CPA6: variants seen among roughly 807,000 people sequenced by gnomAD.
CPA6 encodes the protein carboxypeptidase B.
CPA6 carries 58 observed loss-of-function variants against 63.3 expected under a neutral mutation model. The ratio of observed to expected loss-of-function variants is 0.92; its 90% CI spans 0.74 to 1.14. CPA6 has a LOEUF of 1.14. Ranked by LOEUF, CPA6 falls within the 50% of genes most tolerant of loss-of-function variation. The pLI is 0.00. For synonymous variants in CPA6, 185 were observed against 179.0 expected, an observed-to-expected ratio of 1.03 and a Z score of -0.27; for missense variants, 565 against 526.6, an observed-to-expected ratio of 1.07 and a Z score of -0.71.
chr8:67,575,699 A>G (rs941216896), intron 2 of CPA6, among the ~76,000 whole-genome samples: 2 of 152,172 alleles, frequency 1.3e-5, no homozygotes, highest in Non-Finnish European at 2.9e-5. Flanking sequence ...ACTACTAAAA[A>G]TACAAAAAAT....
At chr8:67,528,517 A>G (rs1276988445) in intron 2 of CPA6, among the ~76,000 whole-genome samples, 2 of 152,094 alleles carry the variant, frequency 1.3e-5, no homozygotes, top group African/African-American at 4.8e-5. Flanking sequence ...CTCAGATAAG[A>G]CTGCTGATTC....
chr8:67,599,669 C>T (rs1359586885), intron 2 of CPA6, among the ~76,000 whole-genome samples: 2 of 152,178 alleles, frequency 1.3e-5, no homozygotes, highest in African/African-American at 4.8e-5. Context: ...AGCTCTGAAA[C>T]TGTCCCATTT....
rs1364688180 is a variant in CPA6, at chr8:67,475,785, C to CTTTCTT, written c.838+7977_838+7982dup. 2.7e-4 allele frequency among the ~76,000 whole-genome samples: 21 copies of CTTTCTT among 78,692 alleles called. 1 individual carries two copies. The highest frequency in any genetic ancestry group is 1.3e-4 in the Admixed American group (1 of 7,792). 51.6% of individuals were successfully genotyped at this position (78,692 alleles called of 152,430 possible). A position where few individuals can be genotyped will look rare whatever the true frequency, so the allele number is the denominator to read the frequency against. ...TTTCTTTCTCTTTCTTTCTTTCTTTCTTTCTTTCTTTCTTTCTTTCTTTCT... is the reference window on the plus strand; with the variant it reads ...TTTCTTTCTCTTTCTTTCTTTCTTTCTTTCTTTTTCTTTCTTTCTTTCTTTCTTTCT... On this transcript the variant is annotated intron_variant, in intron 8 of 10. Coordinates refer to ENST00000297770, the MANE Select transcript of CPA6 (RefSeq NM_020361.5).
At chr8:67,669,545 T>C (rs1816299719) in intron 1 of CPA6, among the ~76,000 whole-genome samples, 1 of 152,236 alleles carries the variant, frequency 6.6e-6, no homozygotes, top group Non-Finnish European at 1.5e-5. Flanking sequence ...CAGAATTCTT[T>C]GGGAATTTAT....
At chr8:67,484,007 G>A in intron 7 of CPA6, 149 bp from the exon 8 acceptor site, 2 of 667,152 alleles carry the variant, frequency 3.0e-6, no homozygotes, top group Non-Finnish European at 5.2e-6. Flanking sequence ...AAAGAGCACT[G>A]GATTAGTAGT....
At chr8:67,605,491 G>A (rs1179461377) in intron 2 of CPA6, among the ~76,000 whole-genome samples, 1 of 143,346 alleles carries the variant, frequency 7.0e-6, no homozygotes, top group African/African-American at 2.5e-5. Flanking sequence ...TTATATAGCT[G>A]TTATATTTTA....
chr8:67,460,839 A>T (rs1810783027), intron 8 of CPA6, among the ~76,000 whole-genome samples: 1 of 152,262 alleles, frequency 6.6e-6, no homozygotes, highest in Admixed American at 6.5e-5. Context: ...CTTTCCCTCA[A>T]TCTGTTTCAC....
intron 2 of CPA6, among the ~76,000 whole-genome samples, chr8:67,619,613 A>G (rs1377856872): frequency 6.6e-6 from 1 of 152,140 alleles, no homozygotes; most frequent in African/African-American, 2.4e-5. Context: ...CTATAGATGG[A>G]ATCTCTGGCA....
chr8:67,449,350 C>T (rs183314033), intron 8 of CPA6, among the ~76,000 whole-genome samples: 144 of 152,342 alleles, frequency 9.5e-4, no homozygotes, highest in Non-Finnish European at 1.8e-3. Context: ...GTTACCCTAA[C>T]AATCTACAGC....
At chr8:67,737,392 T>A (rs1391611093) in intron 1 of CPA6, among the ~76,000 whole-genome samples, 1 of 152,232 alleles carries the variant, frequency 6.6e-6, no homozygotes, top group African/African-American at 2.4e-5. Context: ...ATACCAGCCA[T>A]TTAAAAGAAA....
intron 1 of CPA6, among the ~76,000 whole-genome samples, chr8:67,643,037 T>C (rs1018401621): frequency 6.6e-6 from 1 of 152,040 alleles, no homozygotes; most frequent in Non-Finnish European, 1.5e-5. Context: ...AGGAGATATT[T>C]AAAACATATA....
At chr8:67,673,652 A>G (rs1294407729) in intron 1 of CPA6, among the ~76,000 whole-genome samples, 1 of 151,594 alleles carries the variant, frequency 6.6e-6, no homozygotes, top group Non-Finnish European at 1.5e-5. Flanking sequence ...TCGGCCTCCC[A>G]AAGTGCTGGG....
chr8:67,509,419 A>G (rs1811997411), intron 5 of CPA6, 98 bp downstream of exon 5: 3 of 607,528 alleles, frequency 4.9e-6, no homozygotes, highest in East Asian at 6.0e-5. Context: ...ATGAGACTCT[A>G]TAAAAGATCA....
intron 10 of CPA6, among the ~76,000 whole-genome samples, chr8:67,426,354 G>T (rs932460290): frequency 7.2e-5 from 11 of 152,062 alleles, no homozygotes; most frequent in Admixed American, 6.5e-4. Context: ...AAAGGTAAAT[G>T]GTTAGTAAGA....
intron 1 of CPA6, among the ~76,000 whole-genome samples, chr8:67,710,597 G>A (rs1281260132): frequency 2.0e-5 from 3 of 152,048 alleles, no homozygotes. Flanking sequence ...TATGATCTCT[G>A]TTTTAATATT....
chr8:67,666,661 C>T (rs1406745032), intron 1 of CPA6, among the ~76,000 whole-genome samples: 3 of 152,072 alleles, frequency 2.0e-5, no homozygotes, highest in African/African-American at 7.2e-5. Flanking sequence ...TCAGGGTCTC[C>T]GTGCAGCACT....
At chr8:67,579,893 C>T (rs1290798272) in intron 2 of CPA6, among the ~76,000 whole-genome samples, 2 of 152,204 alleles carry the variant, frequency 1.3e-5, no homozygotes, top group Non-Finnish European at 2.9e-5. Context: ...ATATGGCCCT[C>T]AAACCGAAAA....
intron 2 of CPA6, among the ~76,000 whole-genome samples, chr8:67,529,246 T>A (rs1305635168): frequency 1.3e-5 from 2 of 152,122 alleles, no homozygotes; most frequent in Non-Finnish European, 2.9e-5. Context: ...TCACTTTATC[T>A]TTGATTAAAC....
intron 1 of CPA6, chr8:67,732,720 G>C (rs954999045): frequency 2.6e-5 from 4 of 152,504 alleles, no homozygotes; most frequent in Non-Finnish European, 5.9e-5. Flanking sequence ...AACATGCACA[G>C]AATAGACAAA....
Sources: allele counts gnomAD v4.1 joint callset (sites outside exome capture counted in the v4.1 genomes callset), GRCh38; gene constraint gnomAD v4.1.1; transcripts MANE v1.5; gene names NCBI Gene and HGNC (gene_info 2026-07-23, HGNC 2026-07-21).